The following RPS6KC1 variants were observed in gnomAD, a reference collection of about 807,000 sequenced individuals.
RPS6KC1 encodes the protein ribosomal protein S6 kinase C1, also known as inactive ribosomal protein S6 kinase delta-1.
Under a neutral mutation model 103.8 loss-of-function variants are expected in RPS6KC1, and 54 were observed. That is an observed-to-expected ratio of 0.52 (90% CI 0.42 to 0.65). RPS6KC1 has a LOEUF of 0.65. Among genes scored for constraint, RPS6KC1 ranks in the 30% least tolerant of loss-of-function variants. The pLI is 0.00. For synonymous variants in RPS6KC1, 439 were observed against 438.7 expected (o/e 1.00, Z -0.01); for missense variants, 1,151 against 1,253.8 (o/e 0.92, Z 1.24).
chr1:213,637,537 C>T, the RPS6KC1 span, among the ~76,000 whole-genome samples: 5 of 151,370 alleles, frequency 3.3e-5, no homozygotes, highest in South Asian at 2.1e-4. Flanking sequence ...GCACGTTGTG[C>T]TTATATACCC....
At chr1:213,056,876 G>A (rs2077372735) in intron 1 of RPS6KC1, among the ~76,000 whole-genome samples, 2 of 145,314 alleles carry the variant, frequency 1.4e-5, no homozygotes, top group Non-Finnish European at 1.5e-5. Flanking sequence ...TTTTTTAGGC[G>A]TTGCTCTCTA....
At chr1:213,137,177 C>T (rs780042016) in intron 6 of RPS6KC1, among the ~76,000 whole-genome samples, 1 of 151,962 alleles carries the variant, frequency 6.6e-6, no homozygotes, top group Non-Finnish European at 1.5e-5. Flanking sequence ...TTCTTCTTTC[C>T]CTTTGGCCTT....
chr1:213,429,591 T>C, the RPS6KC1 span, among the ~76,000 whole-genome samples: 7 of 152,170 alleles, frequency 4.6e-5, no homozygotes, highest in African/African-American at 1.7e-4. Context: ...TCTTCCCCAC[T>C]CTCATAGACC....
At chr1:213,112,321 T>A (rs747459785) in intron 4 of RPS6KC1, among the ~76,000 whole-genome samples, 4 of 152,140 alleles carry the variant, frequency 2.6e-5, no homozygotes, top group Non-Finnish European at 5.9e-5. Flanking sequence ...TAGCACAGCA[T>A]CATACCACCA....
chr1:213,311,399 A>G, the RPS6KC1 span, among the ~76,000 whole-genome samples: 1 of 152,082 alleles, frequency 6.6e-6, no homozygotes, highest in Admixed American at 6.5e-5. Flanking sequence ...CGGCCTCCCA[A>G]AATGCTTGGA....
chr1:213,853,588 G>C, the RPS6KC1 span, among the ~76,000 whole-genome samples: 66 of 152,288 alleles, frequency 4.3e-4, 1 homozygote, highest in South Asian at 7.9e-3. Context: ...GGGTTTTGCT[G>C]TTCCACTTTT....
the RPS6KC1 span, among the ~76,000 whole-genome samples, chr1:213,614,748 T>A: frequency 6.6e-6 from 1 of 152,218 alleles, no homozygotes; most frequent in Non-Finnish European, 1.5e-5. Context: ...GCCCTAGAAG[T>A]TTGCCATGGC....
At chr1:213,418,558 T>G in the RPS6KC1 span, among the ~76,000 whole-genome samples, 9 of 152,278 alleles carry the variant, frequency 5.9e-5, no homozygotes, top group East Asian at 1.5e-3. Flanking sequence ...TCCTCCTAAT[T>G]TGGGTGAAGT....
the RPS6KC1 span, among the ~76,000 whole-genome samples, chr1:213,533,408 C>A: frequency 6.6e-6 from 1 of 152,138 alleles, no homozygotes; most frequent in Non-Finnish European, 1.5e-5. Context: ...TTGCTAGAAT[C>A]AATATGGTAC....
the RPS6KC1 span, among the ~76,000 whole-genome samples, chr1:213,599,382 C>T: frequency 6.6e-6 from 1 of 150,938 alleles, no homozygotes; most frequent in African/African-American, 2.4e-5. Flanking sequence ...TGGGTCTGTC[C>T]TCTGTTCCAA....
rs1056330212 is a variant in RPS6KC1, at chr1:213,051,263, G to A, written c.-142G>A. ...GCTGACCCGGAAGCAGAGCTGTGCA[G>A]CTGAGGCGCCGCCGTGGAGCCGCCT... On this transcript the variant is annotated 5_prime_UTR_variant, in exon 1 of 15. Coordinates refer to ENST00000366960, the MANE Select transcript of RPS6KC1 (RefSeq NM_012424.6). The A allele has an allele frequency of 1.8e-5, 11 of 627,774 alleles. No homozygotes were observed. The highest frequency in any genetic ancestry group is 2.8e-5 in the Admixed American group (1 of 35,126). The allele number at this position is 627,774 out of a possible 1,614,324, so 38.9% of individuals were successfully genotyped here. A position where few individuals can be genotyped will look rare whatever the true frequency, so the allele number is the denominator to read the frequency against.
At chr1:213,098,926 G>A (rs1209711999) in intron 3 of RPS6KC1, among the ~76,000 whole-genome samples, 1 of 152,166 alleles carries the variant, frequency 6.6e-6, no homozygotes, top group South Asian at 2.1e-4. Context: ...TGTAAACCTC[G>A]GGAAAAATTT....
At chr1:213,613,804 G>A in the RPS6KC1 span, among the ~76,000 whole-genome samples, 1 of 152,158 alleles carries the variant, frequency 6.6e-6, no homozygotes, top group Non-Finnish European at 1.5e-5. Flanking sequence ...CACCTCAATT[G>A]CCCAGGTGGG....
the RPS6KC1 span, among the ~76,000 whole-genome samples, chr1:213,670,703 G>A: frequency 1.3e-5 from 2 of 152,178 alleles, no homozygotes; most frequent in Non-Finnish European, 1.5e-5. Context: ...CCTGGAAGCT[G>A]CAAAGTGCAC....
intron 3 of RPS6KC1, among the ~76,000 whole-genome samples, chr1:213,096,804 C>T (rs1002899788): frequency 6.6e-6 from 1 of 151,944 alleles, no homozygotes; most frequent in Admixed American, 6.6e-5. Flanking sequence ...TCATCTATAG[C>T]CTATGAAATG....
the RPS6KC1 span, among the ~76,000 whole-genome samples, chr1:213,373,592 T>C: frequency 2.0e-5 from 3 of 152,230 alleles, no homozygotes; most frequent in East Asian, 5.8e-4. Context: ...CAACATATTA[T>C]GTATTTGACA....
chr1:213,160,048 T>C (rs1572925485), intron 6 of RPS6KC1, among the ~76,000 whole-genome samples: 1 of 152,368 alleles, frequency 6.6e-6, no homozygotes, highest in African/African-American at 2.4e-5. Context: ...ATATTACTTA[T>C]AGCTTATTAT....
the RPS6KC1 span, among the ~76,000 whole-genome samples, chr1:213,548,125 G>A: frequency 6.6e-6 from 1 of 152,212 alleles, no homozygotes; most frequent in East Asian, 1.9e-4. Context: ...TAAACATATT[G>A]TGGTGTATTT....
At chr1:213,646,371 T>C in the RPS6KC1 span, among the ~76,000 whole-genome samples, 1 of 152,138 alleles carries the variant, frequency 6.6e-6, no homozygotes, top group Admixed American at 6.5e-5. Context: ...GAGTGTGGCC[T>C]GTAGAAGATG....
Sources: allele counts gnomAD v4.1 joint callset (sites outside exome capture counted in the v4.1 genomes callset), GRCh38; gene constraint gnomAD v4.1.1; transcripts MANE v1.5; gene names NCBI Gene and HGNC (gene_info 2026-07-23, HGNC 2026-07-21).